ZMYND11: variants seen among roughly 807,000 people sequenced by gnomAD.
ZMYND11 encodes zinc finger MYND-type containing 11.
ZMYND11 carries 9 observed loss-of-function variants against 84.9 expected under a neutral mutation model. The observed-to-expected ratio is 0.11, with a 90% confidence interval of 0.06 to 0.18. ZMYND11 has a LOEUF of 0.18. Among genes scored for constraint, ZMYND11 ranks in the 10% least tolerant of loss-of-function variants. ZMYND11 has a pLI of 1.00. For synonymous variants in ZMYND11, 250 were observed against 244.1 expected (o/e 1.02, Z -0.23); for missense variants, 409 against 761.0 (o/e 0.54, Z 5.44).
At chr10:179,546 A>G (rs1847388669) in intron 1 of ZMYND11, among the ~76,000 whole-genome samples, 1 of 152,290 alleles carries the variant, frequency 6.6e-6, no homozygotes, top group Admixed American at 6.5e-5. Flanking sequence ...TCATATATCT[A>G]TGTATGTATA....
At chr10:225,852 T>C (rs753984345) in intron 4 of ZMYND11, among the ~76,000 whole-genome samples, 5 of 152,194 alleles carry the variant, frequency 3.3e-5, no homozygotes, top group Admixed American at 2.6e-4. Flanking sequence ...AAGAAGCCCC[T>C]GGGCAGCCAG....
intron 2 of ZMYND11, among the ~76,000 whole-genome samples, chr10:187,159 A>G (rs1564343651): frequency 6.6e-6 from 1 of 151,882 alleles, no homozygotes; most frequent in Non-Finnish European, 1.5e-5. Context: ...CCAGGAGATC[A>G]AGGCTGCAGT....
chr10:149,276 G>C (rs1839690851), intron 1 of ZMYND11, among the ~76,000 whole-genome samples: 1 of 138,822 alleles, frequency 7.2e-6, no homozygotes, highest in Non-Finnish European at 1.5e-5. Context: ...GCAGAACACT[G>C]AGGTGGTTGT....
At chr10:175,829 G>A (rs1429398691) in intron 1 of ZMYND11, among the ~76,000 whole-genome samples, 1 of 152,122 alleles carries the variant, frequency 6.6e-6, no homozygotes, top group African/African-American at 2.4e-5. Flanking sequence ...ACACTTTGGG[G>A]AAAAGTAATA....
chr10:187,826 A>T (rs1939158696), intron 2 of ZMYND11, among the ~76,000 whole-genome samples: 1 of 152,224 alleles, frequency 6.6e-6, no homozygotes, highest in South Asian at 2.1e-4. Flanking sequence ...ATAATATGAA[A>T]TTCTATGGAT....
At chr10:162,384 A>T (rs1554762194) in intron 1 of ZMYND11, among the ~76,000 whole-genome samples, 1 of 152,196 alleles carries the variant, frequency 6.6e-6, no homozygotes, top group African/African-American at 2.4e-5. Flanking sequence ...TGAACTGGGC[A>T]TACGCTGTCA....
At chr10:177,370 T>C (rs2131741686) in intron 1 of ZMYND11, among the ~76,000 whole-genome samples, 1 of 152,304 alleles carries the variant, frequency 6.6e-6, no homozygotes, top group East Asian at 1.9e-4. Flanking sequence ...ATGATCATCC[T>C]CCTTATAGTG....
chr10:150,757 T>C (rs1426405399), intron 1 of ZMYND11, among the ~76,000 whole-genome samples: 1 of 152,120 alleles, frequency 6.6e-6, no homozygotes, highest in East Asian at 1.9e-4. Context: ...AGCACGGAGT[T>C]TGAGATCTGA....
At chr10:135,441 C>CG, upstream of ZMYND11, 1 of 151,480 alleles carries the variant, frequency 6.6e-6, no homozygotes, top group Non-Finnish European at 1.5e-5. This position sits in a 1 kb window ranked among gnomAD's most constrained non-coding sequence, Gnocchi z 5.6. Flanking sequence ...GCGTCCCCCC[C>CG]GCCCCCCGCG....
chr10:235,245 TTA>T (rs1253920842), intron 4 of ZMYND11, among the ~76,000 whole-genome samples: 1 of 152,210 alleles, frequency 6.6e-6, no homozygotes, highest in Admixed American at 6.5e-5. Flanking sequence ...GTTTAAAGTT[TTA>T]TCTCTCAACA....
intron 10 of ZMYND11, 73 bp downstream of exon 10, chr10:242,212 C>G: frequency 6.5e-7 from 1 of 1,548,086 alleles, no homozygotes; most frequent in South Asian, 1.2e-5. Flanking sequence ...ATGATTTCTC[C>G]ATCAGAGATG....
intron 1 of ZMYND11, among the ~76,000 whole-genome samples, chr10:142,772 G>A (rs1554754259): frequency 6.6e-6 from 1 of 152,196 alleles, no homozygotes; most frequent in East Asian, 1.9e-4. Flanking sequence ...AAAGACAGGA[G>A]TATTAGGAAA....
At chr10:166,942 C>T (rs1465661537) in intron 1 of ZMYND11, among the ~76,000 whole-genome samples, 1 of 151,952 alleles carries the variant, frequency 6.6e-6, no homozygotes, top group Non-Finnish European at 1.5e-5. Flanking sequence ...CTGGCACGTG[C>T]AACAAAATGG....
chr10:228,989 T>C (rs1165486528), intron 4 of ZMYND11, among the ~76,000 whole-genome samples: 1 of 152,180 alleles, frequency 6.6e-6, no homozygotes, highest in African/African-American at 2.4e-5. Flanking sequence ...TTAGAAATAC[T>C]ACATGTTTTT....
At chr10:235,165 C>T (rs1589159115) in intron 4 of ZMYND11, among the ~76,000 whole-genome samples, 1 of 152,248 alleles carries the variant, frequency 6.6e-6, no homozygotes. Context: ...AAAATTTTTA[C>T]AAAGTTTTTT....
intron 6 of ZMYND11, 31 bp from the exon 7 acceptor site, chr10:239,407 T>C: frequency 6.3e-7 from 1 of 1,587,206 alleles, no homozygotes; most frequent in Non-Finnish European, 8.6e-7. Flanking sequence ...CTGGTAACTC[T>C]TTTCGTCATT....
chr10:196,673 G>A (rs1941827394), intron 2 of ZMYND11, among the ~76,000 whole-genome samples: 1 of 151,924 alleles, frequency 6.6e-6, no homozygotes, highest in Admixed American at 6.6e-5. Flanking sequence ...TTTAGTTTGG[G>A]GCTAGTAAAT....
In ZMYND11 at chr10:170,536, G is replaced by C. The variant is rs77330929; in HGVS notation, c.-19-9458G>C. ...ACAGTTTGTAAGTGAAATGGCACAA[G>C]GGACTAGAGGGAAGAATTCAGAATA... On this transcript the variant is annotated intron_variant, in intron 1 of 14. Coordinates refer to ENST00000381604, the MANE Select transcript of ZMYND11 (RefSeq NM_001370100.5). 6.5e-4 allele frequency among the ~76,000 whole-genome samples: 99 copies of C among 151,986 alleles called. 4 individuals are homozygous for C. The East Asian group carries it at 0.018, about 27-fold the overall frequency.
At position 173,618 on chromosome 10, in the gene ZMYND11, G is replaced by C. The variant is rs183341908; in HGVS notation, c.-19-6376G>C. 3.0e-3 allele frequency among the ~76,000 whole-genome samples: 457 copies of C among 152,140 alleles called. No homozygotes were observed. In the Middle Eastern group the frequency reaches 0.031, roughly 10 times the overall value. ...CATGCCTGTAGTCCTAGCTACTCTAGAGTCTAAGGAGGATCGCTTGAGCCC... is the reference window on the plus strand; with the variant it reads ...CATGCCTGTAGTCCTAGCTACTCTACAGTCTAAGGAGGATCGCTTGAGCCC... On this transcript the variant is annotated intron_variant, in intron 1 of 14. Transcript: ENST00000381604.
Sources: gnomAD v4.1 joint callset for allele counts (sites outside exome capture counted in the v4.1 genomes callset) on GRCh38, gnomAD v4.1.1 for gene constraint, Gnocchi (gnomAD v3.1) non-coding constraint, MANE v1.5 for transcripts, NCBI Gene and HGNC (gene_info 2026-07-23, HGNC 2026-07-21) for gene names.